The following EGFR variants were observed in gnomAD, a reference collection of about 807,000 sequenced individuals.
EGFR encodes the protein avian erythroblastic leukemia viral (v-erb-b) oncogene homolog.
In EGFR, 58 loss-of-function variants were observed where a neutral mutation model predicts 143.0. The ratio of observed to expected loss-of-function variants is 0.41; its 90% CI spans 0.33 to 0.50. The LOEUF (loss-of-function observed/expected upper bound fraction) is 0.50. Ranked by LOEUF, EGFR falls within the 20% of genes least tolerant of loss-of-function variation. The pLI is 0.39. For missense variants in EGFR, 1,307 were observed against 1,579.0 expected, an observed-to-expected ratio of 0.83 and a Z score of 2.92; for synonymous variants, 613 against 594.4, an observed-to-expected ratio of 1.03 and a Z score of -0.45.
intron 1 of EGFR, among the ~76,000 whole-genome samples, chr7:55,057,050 T>C (rs985658111): frequency 6.6e-6 from 1 of 152,172 alleles, no homozygotes; most frequent in African/African-American, 2.4e-5. Context: ...GACAGACTTA[T>C]AGGTGGTGCG....
At chr7:55,073,933 G>C (rs1433352795) in intron 1 of EGFR, among the ~76,000 whole-genome samples, 2 of 152,230 alleles carry the variant, frequency 1.3e-5, no homozygotes, top group African/African-American at 4.8e-5. Context: ...TTAAAATGCT[G>C]TTTACATCTC....
At chr7:55,125,350 A>T (rs1280195873) in intron 1 of EGFR, among the ~76,000 whole-genome samples, 1 of 152,250 alleles carries the variant, frequency 6.6e-6, no homozygotes, top group Admixed American at 6.5e-5. Context: ...TTAAAAAATT[A>T]TAAGAAAAAA....
At chr7:55,090,622 A>T (rs184355522) in intron 1 of EGFR, among the ~76,000 whole-genome samples, 2 of 152,348 alleles carry the variant, frequency 1.3e-5, no homozygotes, top group African/African-American at 2.4e-5. Flanking sequence ...CTAATCTCTT[A>T]AAAAATACCG....
intron 1 of EGFR, among the ~76,000 whole-genome samples, chr7:55,138,260 T>G (rs1180825701): frequency 2.0e-5 from 3 of 152,228 alleles, no homozygotes; most frequent in African/African-American, 7.2e-5. Context: ...TAGGGCCTGC[T>G]GCTCTTGATG....
At chr7:55,113,133 T>C (rs1024447531) in intron 1 of EGFR, among the ~76,000 whole-genome samples, 1 of 152,168 alleles carries the variant, frequency 6.6e-6, no homozygotes, top group African/African-American at 2.4e-5. Flanking sequence ...TGTAGAAAGT[T>C]TTTCAAAAGT....
chr7:55,089,535 C>T (rs980554884), intron 1 of EGFR, among the ~76,000 whole-genome samples: 1 of 152,190 alleles, frequency 6.6e-6, no homozygotes. Flanking sequence ...TCCAAGAAAT[C>T]CCATCCTTTC....
intron 27 of EGFR, 195 bp downstream of exon 27, chr7:55,202,820 G>A: frequency 1.4e-6 from 1 of 704,168 alleles, no homozygotes; most frequent in Non-Finnish European, 2.6e-6. Flanking sequence ...TCTTTGTTGT[G>A]TCTGGTTGTT....
chr7:55,178,984 T>C (rs1786728527), intron 19 of EGFR, among the ~76,000 whole-genome samples: 1 of 152,180 alleles, frequency 6.6e-6, no homozygotes, highest in Admixed American at 6.5e-5. Flanking sequence ...CCTGCTGGAA[T>C]GTTGAAGAAG....
chr7:55,173,605 C>A (rs1056339907), intron 17 of EGFR, among the ~76,000 whole-genome samples: 1 of 152,258 alleles, frequency 6.6e-6, no homozygotes, highest in African/African-American at 2.4e-5. Context: ...AACCAAACGA[C>A]CGCCATGCAC....
At chr7:55,086,995 A>C (rs2302535) in intron 1 of EGFR, among the ~76,000 whole-genome samples, 40,806 of 151,946 alleles carry the variant, frequency 0.27, 7,553 homozygotes, top group East Asian at 0.87. Context: ...TTTCAGGGTC[A>C]TTCAGGAAGT....
chr7:55,060,295 A>G (rs1244826602), intron 1 of EGFR, among the ~76,000 whole-genome samples: 1 of 152,186 alleles, frequency 6.6e-6, no homozygotes, highest in Non-Finnish European at 1.5e-5. Context: ...GTTTCCTGAC[A>G]TTTTTGTTTT....
At chr7:55,118,949 T>C (rs183951586) in intron 1 of EGFR, 1 of 152,300 alleles carries the variant, frequency 6.6e-6, no homozygotes, top group Non-Finnish European at 1.5e-5. Context: ...AAAAACATTT[T>C]TATTAACAAA....
At chr7:55,089,640 A>G (rs371802970) in intron 1 of EGFR, among the ~76,000 whole-genome samples, 3 of 152,212 alleles carry the variant, frequency 2.0e-5, no homozygotes, top group Non-Finnish European at 4.4e-5. Context: ...AAAATTAGCC[A>G]TAAATCTCTT....
chr7:55,114,969 C>T (rs1234188087), intron 1 of EGFR, among the ~76,000 whole-genome samples: 1 of 149,592 alleles, frequency 6.7e-6, no homozygotes, highest in Non-Finnish European at 1.5e-5. Context: ...GCAAGCTCCG[C>T]CTCCCAGGTT....
intron 1 of EGFR, among the ~76,000 whole-genome samples, chr7:55,111,355 T>G (rs1440586977): frequency 6.7e-6 from 1 of 149,808 alleles, no homozygotes; most frequent in Non-Finnish European, 1.5e-5. Context: ...TTCATCTCGC[T>G]TGCTAGACGT....
Position 55,037,805 on chromosome 7 carries a change from TTC to T in EGFR, c.88+18442_88+18443del, listed in dbSNP as rs1787680761. ...GATTTACTTTCTCCCAGATAATAGATTCTGACTTCTTTTTTTCTGATTAAAAA... is the reference window on the plus strand; with the variant it reads ...GATTTACTTTCTCCCAGATAATAGATTGACTTCTTTTTTTCTGATTAAAAA... On this transcript the variant is annotated intron_variant, in intron 1 of 27. Coordinates refer to ENST00000275493, the MANE Select transcript of EGFR (RefSeq NM_005228.5). 2.6e-5 allele frequency among the ~76,000 whole-genome samples: 4 copies of T among 152,206 alleles called. No homozygotes were observed. The South Asian group carries it at 8.3e-4, about 32-fold the overall frequency.
chr7:55,196,195 C>CTTTTTTTTTTTTTTTTTTTTTTTTTT lies in EGFR; in HGVS notation c.2702-2518_2702-2517insTTTTTTTTTTTTTTTTTTTTTTTTTT, dbSNP rs1331766673. On this transcript the variant is annotated intron_variant, in intron 22 of 27. Coordinates refer to ENST00000275493, the MANE Select transcript of EGFR (RefSeq NM_005228.5). The stretch of plus-strand genomic sequence containing the variant: ...GTGTTGGGATTTTTTTTTTTTTTTA[C>CTTTTTTTTTTTTTTTTTTTTTTTTTT]TTTTCAATAATAGCCATCTGACTGG... Among the ~76,000 whole-genome samples, 124 of 55,338 alleles carry CTTTTTTTTTTTTTTTTTTTTTTTTTT rather than the reference C, an allele frequency of 2.2e-3. 1 individual carries two copies. The highest frequency in any genetic ancestry group is 3.8e-3 in the African/African-American group (51 of 13,578). The allele number at this position is 55,338 out of a possible 152,430, so 36.3% of individuals were successfully genotyped here.
intron 22 of EGFR, 124 bp downstream of exon 22, chr7:55,192,965 T>C: frequency 2.3e-6 from 2 of 874,472 alleles, no homozygotes; most frequent in Non-Finnish European, 3.8e-6. Flanking sequence ...CTAATGATAA[T>C]GTAATCATTG....
chr7:55,135,571 T>A (rs1390619005), intron 1 of EGFR, among the ~76,000 whole-genome samples: 1 of 152,206 alleles, frequency 6.6e-6, no homozygotes, highest in Non-Finnish European at 1.5e-5. Context: ...ATAAAAGTTG[T>A]CTTCAAAATT....
Sources: allele counts gnomAD v4.1 joint callset (sites outside exome capture counted in the v4.1 genomes callset), GRCh38; gene constraint gnomAD v4.1.1; transcripts MANE v1.5; gene names NCBI Gene and HGNC (gene_info 2026-07-23, HGNC 2026-07-21).